CPNE7: variants seen among roughly 807,000 people sequenced by gnomAD.
CPNE7 encodes the protein copine 7.
Under a neutral mutation model 66.5 loss-of-function variants are expected in CPNE7, and 78 were observed. That is an observed-to-expected ratio of 1.17 (90% CI 0.98 to 1.42). The LOEUF is 1.42. CPNE7 is among the 40% of genes most tolerant of loss of function. The pLI, the probability that CPNE7 is intolerant of heterozygous loss-of-function variation, is 0.00. For missense variants in CPNE7, 1,012 were observed against 776.6 expected, an observed-to-expected ratio of 1.30 and a Z score of -3.60; for synonymous variants, 468 against 336.7, an observed-to-expected ratio of 1.39 and a Z score of -4.27.
At chr16:89,586,876 G>C in intron 8 of CPNE7, 120 bp downstream of exon 8, 2 of 1,138,706 alleles carry the variant, frequency 1.8e-6, no homozygotes, top group South Asian at 1.3e-5. Context: ...TCTGGGGAGG[G>C]GCTGAGAGAC....
chr16:89,579,741 C>A (rs2058919126), intron 2 of CPNE7, among the ~76,000 whole-genome samples: 1 of 150,004 alleles, frequency 6.7e-6, no homozygotes, highest in Admixed American at 6.6e-5. Flanking sequence ...CATCCCATCA[C>A]CCATCACACA....
At chr16:89,585,329 C>T (rs971941771) in intron 5 of CPNE7, 135 bp from the exon 6 acceptor site, 66 of 657,714 alleles carry the variant, frequency 1.0e-4, no homozygotes, top group Admixed American at 1.8e-4. Flanking sequence ...CTCAGGGCCC[C>T]GGCGCTGTCT....
At chr16:89,589,808 T>G in intron 10 of CPNE7, 89 bp from the exon 11 acceptor site, 1 of 1,449,852 alleles carries the variant, frequency 6.9e-7, no homozygotes, top group African/African-American at 1.4e-5. Context: ...CCCCAGTCTT[T>G]TGGGCGCCAG....
intron 13 of CPNE7, among the ~76,000 whole-genome samples, chr16:89,595,002 G>A (rs1482420981): frequency 5.3e-5 from 8 of 152,156 alleles, no homozygotes; most frequent in African/African-American, 1.9e-4. Flanking sequence ...GACTGGAGCA[G>A]GGTGTGTGGG....
In CPNE7 at chr16:89,587,959, C is replaced by G. The variant is rs1482312007; in HGVS notation, c.928-716C>G. Among the ~76,000 whole-genome samples, 41 of 12,582 alleles carry G rather than the reference C, an allele frequency of 3.3e-3. 13 individuals are homozygous for G. The highest frequency in any genetic ancestry group is 0.014 in the Non-Finnish European group (31 of 2,286). The allele number at this position is 12,582 out of a possible 152,430, so 8.3% of individuals were successfully genotyped here. A position where few individuals can be genotyped will look rare whatever the true frequency, so the allele number is the denominator to read the frequency against. On this transcript the variant is annotated intron_variant, in intron 9 of 14. Transcript: ENST00000319518. The stretch of plus-strand genomic sequence containing the variant: ...CACAGATACACGGCCCCCCGTGTTA[C>G]CCACAGATACACGGCCCCCGTGTCA...
chr16:89,588,294 A>C (rs2059115930), intron 9 of CPNE7, among the ~76,000 whole-genome samples: 1 of 152,216 alleles, frequency 6.6e-6, no homozygotes, highest in African/African-American at 2.4e-5. Flanking sequence ...GAGCCCCAGA[A>C]TGGCTTTGGG....
intron 13 of CPNE7, among the ~76,000 whole-genome samples, chr16:89,592,743 A>C (rs921660184): frequency 1.3e-5 from 2 of 151,184 alleles, no homozygotes; most frequent in African/African-American, 2.4e-5. Context: ...CGCCCAGCCC[A>C]AATTTTTTTT....
intron 2 of CPNE7, chr16:89,578,976 G>T: frequency 1.2e-6 from 2 of 1,604,912 alleles, no homozygotes. Flanking sequence ...TTGCCAGGAC[G>T]GGTCCTTCTT....
At chr16:89,595,936 C>A (rs1156724949) in intron 14 of CPNE7, 1 of 532,340 alleles carries the variant, frequency 1.9e-6, no homozygotes, top group Admixed American at 2.2e-5. Flanking sequence ...TGAGGTTCTA[C>A]CCGCCGAGAC....
chr16:89,586,001 G>C (rs1212456646), intron 7 of CPNE7, among the ~76,000 whole-genome samples: 1 of 125,456 alleles, frequency 8.0e-6, no homozygotes, highest in Non-Finnish European at 1.7e-5. Flanking sequence ...GTTCAGGTGA[G>C]GGGGGCCTCC....
rs2059068697 is a variant in CPNE7 at position 89,587,319 on chromosome 16, C to CCGCCCACCCGGAGGAGGAA, written c.927+217_927+218insCGCCCACCCGGAGGAGGAA. ...CTGTGGCCCCGCCCATCCCCGCCCC[C>CCGCCCACCCGGAGGAGGAA]TCAGTCCGTGGCCCCGCCCCCGCCC... On this transcript the variant is annotated intron_variant, in intron 9 of 14. Transcript: ENST00000319518. Among the ~76,000 whole-genome samples the CCGCCCACCCGGAGGAGGAA allele has an allele frequency of 4.1e-3, 9 of 2,170 alleles. 3 individuals carry two copies. The highest frequency in any genetic ancestry group is 0.013 in the African/African-American group (7 of 542). 1.4% of individuals were successfully genotyped at this position (2,170 alleles called of 152,430 possible).
intron 14 of CPNE7, among the ~76,000 whole-genome samples, chr16:89,596,254 C>A (rs1052244935): frequency 6.6e-6 from 1 of 152,226 alleles, no homozygotes; most frequent in African/African-American, 2.4e-5. Flanking sequence ...CCTCGCCTCC[C>A]GTGTCAGCAC....
chr16:89,586,949 G>A (rs909986578), intron 8 of CPNE7, 94 bp from the exon 9 acceptor site: 11 of 1,289,946 alleles, frequency 8.5e-6, no homozygotes, highest in Non-Finnish European at 1.2e-5. Context: ...ACCCCAGAGG[G>A]ACTGGGCTGC....
At position 89,583,920 on chromosome 16, in the gene CPNE7, C is replaced by T. The variant is rs2058994943; in HGVS notation, c.433-108C>T. 3 of 1,468,198 alleles carry T rather than the reference C, an allele frequency of 2.0e-6. No homozygotes were observed. The Admixed American group carries it at 5.8e-5, about 29-fold the overall frequency. 90.9% of individuals were successfully genotyped at this position (1,468,198 alleles called of 1,614,324 possible). On this transcript the variant is annotated intron_variant, in intron 3 of 14. Coordinates refer to ENST00000319518, the MANE Select transcript of CPNE7 (RefSeq NM_153636.3). ...CAGCCCCGGGGGTACACAGACACCT[C>T]CTCTCAGGCCCCGCTGGGTGGGGTC...
In CPNE7 at chr16:89,583,698, T is replaced by C. The variant is rs758319422; in HGVS notation, c.359T>C (p.Ile120Thr). The stretch of plus-strand genomic sequence containing the variant: ...CTGCCTGACGCCTCTGACTTACAGA[T>C]TGTGGCCCAGAAGAAGGTGACCCGC... Reference protein sequence around the residue: ...LGGMECTLGQIVAQKKVTRPL... With the variant: ...LGGMECTLGQTVAQKKVTRPL... Residue 120 changes from isoleucine to threonine, a missense_variant and splice_region_variant, in exon 3 of 15, where the codon ATT (isoleucine) becomes ACT (threonine). Ile to Thr is a moderately conservative substitution (Grantham distance 89, BLOSUM62 -1). Transcript: ENST00000319518. 6 of 1,612,550 alleles carry C rather than the reference T, an allele frequency of 3.7e-6. No individual in the cohort carries two copies. Among genetic ancestry groups the C allele is most frequent in the South Asian group, 3.3e-5 (3 of 91,086 alleles).
chr16:89,595,324 C>T (rs773322364), intron 13 of CPNE7, 43 bp from the exon 14 acceptor site: 2 of 1,499,100 alleles, frequency 1.3e-6, no homozygotes, highest in Non-Finnish European at 1.8e-6. Context: ...GCATGTGGGC[C>T]ATGGCAGGTG....
chr16:89,590,074 TG>T, intron 11 of CPNE7, 123 bp downstream of exon 11: 2 of 1,144,382 alleles, frequency 1.7e-6, no homozygotes. Context: ...AGGATGGGAT[TG>T]GGGTGCAAAG....
Position 89,584,867 on chromosome 16 carries a change from C to CG in CPNE7, c.591+14dup, listed in dbSNP as rs753234982. 2 of 1,611,754 alleles carry CG rather than the reference C, an allele frequency of 1.2e-6. No homozygotes were observed. Among genetic ancestry groups the CG allele is most frequent in the Non-Finnish European group, 1.7e-6 (2 of 1,178,808 alleles). On this transcript the variant is annotated intron_variant, in intron 5 of 14. Transcript: ENST00000319518. This position sits in a 1 kb window ranked among gnomAD's most constrained non-coding sequence, Gnocchi z 6.0. ...GGTGTACAGGACGGAGGTGAGCGGC[C>CG]GGGGATGGGAACACAGGGAGGGGAA...
chr16:89,583,799 T>C lies in CPNE7; in HGVS notation c.432+28T>C, dbSNP rs771257559. ...GAGACCCGGGCGCACCCCTGCAGCCTGCAGGCCCTGCTGCTGTGGCTCCGA... is the reference window on the plus strand; with the variant it reads ...GAGACCCGGGCGCACCCCTGCAGCCCGCAGGCCCTGCTGCTGTGGCTCCGA... On this transcript the variant is annotated intron_variant, in intron 3 of 14. Coordinates refer to ENST00000319518, the MANE Select transcript of CPNE7 (RefSeq NM_153636.3). The C allele has an allele frequency of 1.9e-6, 3 of 1,609,726 alleles. No homozygotes were observed. In the South Asian group the frequency reaches 3.3e-5, roughly 18 times the overall value.
Sources: gnomAD v4.1 joint callset for allele counts (sites outside exome capture counted in the v4.1 genomes callset) on GRCh38, gnomAD v4.1.1 for gene constraint, Gnocchi (gnomAD v3.1) non-coding constraint, MANE v1.5 for transcripts, NCBI Gene and HGNC (gene_info 2026-07-23, HGNC 2026-07-21) for gene names.